MRTFA: variants seen among roughly 807,000 people sequenced by gnomAD.
The protein encoded by MRTFA is myocardin related transcription factor A.
A neutral mutation model predicts 83.5 loss-of-function variants in MRTFA; 20 were observed. The ratio of observed to expected loss-of-function variants is 0.24; its 90% CI spans 0.17 to 0.35. The LOEUF is 0.35. Among genes scored for constraint, MRTFA ranks in the 10% least tolerant of loss-of-function variants. The pLI, the probability that MRTFA is intolerant of heterozygous loss-of-function variation, is 1.00. For synonymous variants in MRTFA, 659 were observed against 541.2 expected, an observed-to-expected ratio of 1.22 and a Z score of -3.02; for missense variants, 1,200 against 1,224.7, an observed-to-expected ratio of 0.98 and a Z score of 0.30.
At chr22:40,598,579 T>C (rs2147390298) in intron 1 of MRTFA, among the ~76,000 whole-genome samples, 1 of 152,284 alleles carries the variant, frequency 6.6e-6, no homozygotes, top group East Asian at 1.9e-4. Flanking sequence ...TACATACTAC[T>C]AAACACACTG....
chr22:40,456,374 C>T (rs1224461246), intron 4 of MRTFA, among the ~76,000 whole-genome samples: 3 of 151,810 alleles, frequency 2.0e-5, no homozygotes, highest in Admixed American at 6.6e-5. Context: ...TATTCTGGTT[C>T]GGGGATTGTT....
chr22:40,590,395 G>T (rs73887839), intron 2 of MRTFA, among the ~76,000 whole-genome samples: 3,016 of 151,916 alleles, frequency 0.02, 92 homozygotes, highest in African/African-American at 0.068. Flanking sequence ...GTAGCCGGGC[G>T]CGGTGGCTCA....
rs1388943859 is a variant in MRTFA at position 40,420,512 on chromosome 22, T to C, written c.1246A>G (p.Ser416Gly). ...CCAGGGGCGCCCGAGCTGGAGCTGC[T>C]ATTGGTAGTGGAGAGGCTGCGTACT... The change falls in exon 11 of 15, where the codon AGC becomes GGC. Residue 416 changes from serine (S) to glycine (G), a missense_variant. Around this residue, in one of 2 missense-constraint regions of MRTFA, gnomAD observed 1,107 missense variants for 1,041.8 expected, o/e 1.06. Coordinates refer to ENST00000355630, the MANE Select transcript of MRTFA (RefSeq NM_020831.6). 3 of 1,613,774 alleles carry C rather than the reference T, an allele frequency of 1.9e-6. No individual in the cohort carries two copies. Among genetic ancestry groups the C allele is most frequent in the Admixed American group, 3.3e-5 (2 of 60,030 alleles).
At chr22:40,599,932 G>T (rs1394950592) in intron 1 of MRTFA, among the ~76,000 whole-genome samples, 6 of 137,538 alleles carry the variant, frequency 4.4e-5, no homozygotes, top group African/African-American at 1.6e-4. Flanking sequence ...GAAGGGAAAG[G>T]AACAAAAATG....
At chr22:40,562,986 G>A (rs559862752) in intron 2 of MRTFA, among the ~76,000 whole-genome samples, 1 of 152,172 alleles carries the variant, frequency 6.6e-6, no homozygotes, top group South Asian at 2.1e-4. Context: ...CTTGGCCTTT[G>A]CTCACTTCAC....
chr22:40,516,336 C>T (rs955699304), intron 3 of MRTFA, among the ~76,000 whole-genome samples: 36 of 145,718 alleles, frequency 2.5e-4, no homozygotes, highest in Non-Finnish European at 6.0e-5. Context: ...AGGAGAATCA[C>T]TTGAACCTGG....
At chr22:40,557,916 G>C (rs957027042) in intron 2 of MRTFA, among the ~76,000 whole-genome samples, 1 of 152,086 alleles carries the variant, frequency 6.6e-6, no homozygotes, top group Non-Finnish European at 1.5e-5. Context: ...TGGGAATATA[G>C]GCATGCGCCA....
chr22:40,434,886 G>A (rs2053138506), intron 5 of MRTFA, among the ~76,000 whole-genome samples: 1 of 152,148 alleles, frequency 6.6e-6, no homozygotes, highest in Non-Finnish European at 1.5e-5. Flanking sequence ...ACACTGGGCA[G>A]CAGAATATTC....
At chr22:40,444,630 T>C (rs945821839) in intron 4 of MRTFA, among the ~76,000 whole-genome samples, 9 of 152,204 alleles carry the variant, frequency 5.9e-5, no homozygotes, top group Non-Finnish European at 1.2e-4. Context: ...ATTTCTCACG[T>C]GCTATTAAGG....
Position 40,419,304 on chromosome 22 carries a change from T to C in MRTFA, c.1434A>G (p.Arg478=), listed in dbSNP as rs368617522. 2 of 1,613,966 alleles carry C rather than the reference T, an allele frequency of 1.2e-6. No individual in the cohort carries two copies. Among genetic ancestry groups the C allele is most frequent in the South Asian group, 1.1e-5 (1 of 91,078 alleles). ...CAGGGCTGATTTGGTCTTGATAGGC[T>C]CGAAGGCGCTCAATCAGCTCAGTTT... Residue 478 remains arginine (R), a synonymous_variant, in exon 12 of 15, where the codon CGA becomes CGG. Transcript: ENST00000355630.
At chr22:40,600,113 T>C (rs1602481393) in intron 1 of MRTFA, among the ~76,000 whole-genome samples, 6 of 152,068 alleles carry the variant, frequency 3.9e-5, no homozygotes. Context: ...TCAACAGATA[T>C]TGTTACATAT....
At position 40,619,110 on chromosome 22, in the gene MRTFA, G is replaced by A. The variant is rs1246796499; in HGVS notation, c.-84+17368C>T. 2.0e-5 allele frequency among the ~76,000 whole-genome samples: 3 copies of A among 152,152 alleles called. No homozygotes were observed. In the East Asian group the frequency reaches 5.8e-4, roughly 29 times the overall value. Reference sequence around the variant, plus strand: ...CAATTATTCAACCAAACATTAATCTGAAGTGTTGCTGTGAAAGTATTTTGT... The same window carrying A: ...CAATTATTCAACCAAACATTAATCTAAAGTGTTGCTGTGAAAGTATTTTGT... On this transcript the variant is annotated intron_variant, in intron 1 of 14. Transcript: ENST00000355630.
intron 1 of MRTFA, among the ~76,000 whole-genome samples, chr22:40,629,394 C>A (rs1450842282): frequency 6.6e-6 from 1 of 150,946 alleles, no homozygotes; most frequent in African/African-American, 2.4e-5. Flanking sequence ...TGCAGTGAGC[C>A]AAGATCGAAC....
intron 1 of MRTFA, among the ~76,000 whole-genome samples, chr22:40,609,089 G>A (rs536255665): frequency 7.2e-5 from 11 of 152,008 alleles, no homozygotes; most frequent in South Asian, 2.1e-4. Flanking sequence ...TCAGGAGATC[G>A]AGACCATCCT....
chr22:40,571,364 A>G (rs1218808745), intron 2 of MRTFA, among the ~76,000 whole-genome samples: 1 of 152,206 alleles, frequency 6.6e-6, no homozygotes, highest in African/African-American at 2.4e-5. Flanking sequence ...CAATTAGGCA[A>G]CGGCTTCCTA....
chr22:40,464,813 C>T (rs1167595427), intron 3 of MRTFA, among the ~76,000 whole-genome samples: 1 of 152,152 alleles, frequency 6.6e-6, no homozygotes, highest in Non-Finnish European at 1.5e-5. Flanking sequence ...CCCTTCCCAT[C>T]CTTCTTACTT....
At chr22:40,561,607 T>C (rs2055618890) in intron 2 of MRTFA, among the ~76,000 whole-genome samples, 1 of 151,892 alleles carries the variant, frequency 6.6e-6, no homozygotes, top group Non-Finnish European at 1.5e-5. Context: ...CCTTAAAAAC[T>C]ACCAGGCTTT....
chr22:40,586,903 GTGC>G (rs1188681215), intron 2 of MRTFA: 108 of 392,036 alleles, frequency 2.8e-4, no homozygotes, highest in East Asian at 1.7e-3. Flanking sequence ...GGTGCTGCTG[GTGC>G]TGCTGGTGCT....
At chr22:40,579,787 G>C (rs942029718) in intron 2 of MRTFA, among the ~76,000 whole-genome samples, 1 of 151,716 alleles carries the variant, frequency 6.6e-6, no homozygotes, top group Admixed American at 6.6e-5. Context: ...TTGAACCTGG[G>C]AGGTGGAGGT....
Sources: allele counts gnomAD v4.1 joint callset (sites outside exome capture counted in the v4.1 genomes callset), GRCh38; gene constraint gnomAD v4.1.1; regional missense constraint gnomAD v4.1.1; transcripts MANE v1.5; gene names NCBI Gene and HGNC (gene_info 2026-07-23, HGNC 2026-07-21).